RAB6A: variants seen among roughly 807,000 people sequenced by gnomAD.
RAB6A encodes ras-related protein Rab-6A.
Under a neutral mutation model 32.3 loss-of-function variants are expected in RAB6A, and 8 were observed. The ratio of observed to expected loss-of-function variants is 0.25; its 90% CI spans 0.15 to 0.45. The LOEUF is 0.45. RAB6A is among the 20% of genes least tolerant of loss of function. The probability of loss-of-function intolerance (pLI) is 1.00; values close to 1 mark genes in which losing one functional copy is unlikely to be tolerated. For synonymous variants in RAB6A, 73 were observed against 82.1 expected (o/e 0.89, Z 0.60); for missense variants, 104 against 249.4 (o/e 0.42, Z 3.93).
chr11:73,728,083 A>T (rs943146406), intron 2 of RAB6A, among the ~76,000 whole-genome samples: 2 of 152,238 alleles, frequency 1.3e-5, no homozygotes, highest in African/African-American at 2.4e-5. Flanking sequence ...AATAAAAAAA[A>T]TTTTAAAGAG....
chr11:73,692,502 C>CAAA lies in RAB6A; in HGVS notation c.496-12785_496-12783dup, dbSNP rs34201129. 5.9e-3 allele frequency among the ~76,000 whole-genome samples: 331 copies of CAAA among 56,318 alleles called. 9 individuals are homozygous for CAAA. Among genetic ancestry groups the CAAA allele is most frequent in the African/African-American group, 0.022 (292 of 13,388 alleles). The allele number at this position is 56,318 out of a possible 152,430, so 36.9% of individuals were successfully genotyped here. On this transcript the variant is annotated intron_variant, in intron 6 of 7. Transcript: ENST00000336083. The stretch of plus-strand genomic sequence containing the variant: ...TGAGCGACAGAGTGAGACTCTGTCT[C>CAAA]AAAAAAAAAAAAAAAAAAAAAGGAA...
chr11:73,685,592 G>GTCTTTTTTTTTTTTTTTTTTAAAT (rs1555054185), intron 6 of RAB6A, among the ~76,000 whole-genome samples: 1 of 145,162 alleles, frequency 6.9e-6, no homozygotes, highest in African/African-American at 2.5e-5. Flanking sequence ...CGGACTGAAA[G>GTCTTTTTTTTTTTTTTTTTTAAAT]TAGCGACCAG....
At chr11:73,683,280 T>C (rs1309631340) in intron 6 of RAB6A, among the ~76,000 whole-genome samples, 1 of 133,570 alleles carries the variant, frequency 7.5e-6, no homozygotes, top group African/African-American at 2.8e-5. Flanking sequence ...TTTGGAGATA[T>C]GGTCTTGCTC....
At chr11:73,703,516 C>T (rs1034769980) in intron 6 of RAB6A, among the ~76,000 whole-genome samples, 7 of 150,954 alleles carry the variant, frequency 4.6e-5, no homozygotes, top group Non-Finnish European at 8.9e-5. Flanking sequence ...CTGAGGTGGG[C>T]GTATCACCTA....
intron 2 of RAB6A, among the ~76,000 whole-genome samples, chr11:73,724,070 T>TA (rs1487626288): frequency 6.6e-6 from 1 of 152,250 alleles, no homozygotes; most frequent in Non-Finnish European, 1.5e-5. Context: ...TCAAATTCCA[T>TA]ATAAACGCTT....
intron 6 of RAB6A, among the ~76,000 whole-genome samples, chr11:73,695,183 A>C (rs1945637194): frequency 6.6e-6 from 1 of 152,102 alleles, no homozygotes; most frequent in African/African-American, 2.4e-5. Flanking sequence ...AGTGGGCCAA[A>C]AAAACTTTAC....
chr11:73,749,904 T>C (rs1447205993), intron 1 of RAB6A, among the ~76,000 whole-genome samples: 1 of 152,156 alleles, frequency 6.6e-6, no homozygotes, highest in Non-Finnish European at 1.5e-5. Context: ...CATATGCCTG[T>C]AGTCCCAGCT....
intron 5 of RAB6A, 133 bp downstream of exon 5, chr11:73,716,118 C>T (rs964020524): frequency 1.4e-5 from 8 of 590,866 alleles, no homozygotes; most frequent in Non-Finnish European, 2.3e-5. Context: ...GGTTCCCATG[C>T]TAAAGAAAAG....
At chr11:73,729,137 C>CT (rs1459486831) in intron 2 of RAB6A, among the ~76,000 whole-genome samples, 1 of 152,098 alleles carries the variant, frequency 6.6e-6, no homozygotes, top group Non-Finnish European at 1.5e-5. Flanking sequence ...CTCACTCTGT[C>CT]ACCCAGGCTG....
At chr11:73,754,699 A>G (rs1006345461) in intron 1 of RAB6A, among the ~76,000 whole-genome samples, 1 of 152,190 alleles carries the variant, frequency 6.6e-6, no homozygotes, top group Non-Finnish European at 1.5e-5. Flanking sequence ...CAAGCAGGTC[A>G]CTTGAGGCCA....
intron 6 of RAB6A, among the ~76,000 whole-genome samples, chr11:73,684,311 G>A (rs1945407107): frequency 6.6e-6 from 1 of 152,022 alleles, no homozygotes; most frequent in African/African-American, 2.4e-5. Flanking sequence ...TGAGATTACA[G>A]GCATCGGCCA....
intron 1 of RAB6A, among the ~76,000 whole-genome samples, chr11:73,752,531 A>G (rs960260861): frequency 1.2e-4 from 18 of 152,174 alleles, no homozygotes; most frequent in African/African-American, 4.1e-4. Context: ...AATTAAAATG[A>G]TAAGAACTGG....
At chr11:73,681,670 G>A (rs888427122) in intron 6 of RAB6A, among the ~76,000 whole-genome samples, 1 of 152,126 alleles carries the variant, frequency 6.6e-6, no homozygotes, top group African/African-American at 2.4e-5. Flanking sequence ...TTAGCCAGGC[G>A]TGGTAGCGCA....
At chr11:73,759,105 T>C (rs1451454899) in intron 1 of RAB6A, among the ~76,000 whole-genome samples, 1 of 152,180 alleles carries the variant, frequency 6.6e-6, no homozygotes, top group Non-Finnish European at 1.5e-5. Context: ...TTCAAAGTAG[T>C]AATAAAAGCT....
intron 1 of RAB6A, among the ~76,000 whole-genome samples, chr11:73,751,368 T>A (rs1024318659): frequency 1.3e-5 from 2 of 152,042 alleles, no homozygotes; most frequent in African/African-American, 4.8e-5. Flanking sequence ...AGTTAGAAAG[T>A]AGAAAGCAAA....
chr11:73,700,087 G>T (rs1296195701), intron 6 of RAB6A, among the ~76,000 whole-genome samples: 1 of 152,156 alleles, frequency 6.6e-6, no homozygotes, highest in Non-Finnish European at 1.5e-5. Context: ...GATTTTAGAA[G>T]TTGAAGATCA....
At chr11:73,732,708 TGA>T (rs1349387260) in intron 1 of RAB6A, among the ~76,000 whole-genome samples, 1 of 152,132 alleles carries the variant, frequency 6.6e-6, no homozygotes, top group African/African-American at 2.4e-5. Flanking sequence ...TGCAGTGAGC[TGA>T]GAGTGCACCA....
At chr11:73,712,728 C>CT (rs57665830) in intron 5 of RAB6A, among the ~76,000 whole-genome samples, 47,615 of 142,550 alleles carry the variant, frequency 0.33, 8,160 homozygotes, top group African/African-American at 0.37. Context: ...ATTATAGAGG[C>CT]TTTTTTTTTT....
At chr11:73,754,987 A>C (rs1424317663) in intron 1 of RAB6A, among the ~76,000 whole-genome samples, 2 of 151,630 alleles carry the variant, frequency 1.3e-5, no homozygotes, top group Non-Finnish European at 2.9e-5. Flanking sequence ...CAATGGCGTG[A>C]TCTTGGCTCA....
Sources: gnomAD v4.1 joint callset for allele counts (sites outside exome capture counted in the v4.1 genomes callset) on GRCh38, gnomAD v4.1.1 for gene constraint, MANE v1.5 for transcripts, NCBI Gene and HGNC (gene_info 2026-07-23, HGNC 2026-07-21) for gene names.